Variants in NBEA observed in about 807,000 individuals in gnomAD.
NBEA encodes lysosomal-trafficking regulator 2.
Under a neutral mutation model 343.4 loss-of-function variants are expected in NBEA, and 44 were observed. The ratio of observed to expected loss-of-function variants is 0.13; its 90% CI spans 0.10 to 0.16. The LOEUF is 0.16. Ranked by LOEUF, NBEA falls within the 10% of genes least tolerant of loss-of-function variation. The pLI, the probability that NBEA is intolerant of heterozygous loss-of-function variation, is 1.00. For missense variants in NBEA, 2,555 were observed against 3,631.3 expected (o/e 0.70, Z 7.62); for synonymous variants, 1,175 against 1,238.7 (o/e 0.95, Z 1.08).
intron 38 of NBEA, among the ~76,000 whole-genome samples, chr13:35,378,626 G>A (rs2041862157): frequency 6.6e-6 from 1 of 151,816 alleles, no homozygotes; most frequent in African/African-American, 2.4e-5. Flanking sequence ...ATTTAAAAAG[G>A]CAAAGAGGCA....
chr13:35,055,913 C>A, intron 6 of NBEA, 97 bp from the exon 7 acceptor site: 2 of 942,786 alleles, frequency 2.1e-6, no homozygotes, highest in South Asian at 2.8e-5. Flanking sequence ...ATAGTCCTGT[C>A]AGCATATTCT....
chr13:35,626,369 A>AC (rs1566427994), intron 48 of NBEA, among the ~76,000 whole-genome samples: 1 of 152,210 alleles, frequency 6.6e-6, no homozygotes, highest in African/African-American at 2.4e-5. Flanking sequence ...CATCATTCCC[A>AC]CTACCACTCA....
intron 18 of NBEA, among the ~76,000 whole-genome samples, chr13:35,151,484 G>A (rs937722210): frequency 8.0e-5 from 12 of 150,552 alleles, no homozygotes; most frequent in Non-Finnish European, 1.6e-4. Context: ...TGGAGGTTGC[G>A]GTGAGCCGAG....
intron 24 of NBEA, among the ~76,000 whole-genome samples, chr13:35,166,251 A>G (rs2070018657): frequency 6.6e-6 from 1 of 152,170 alleles, no homozygotes; most frequent in Admixed American, 6.6e-5. Context: ...TCACATTACT[A>G]AATAGTTTTC....
chr13:35,355,820 T>C (rs914631676), intron 38 of NBEA, among the ~76,000 whole-genome samples: 1 of 151,624 alleles, frequency 6.6e-6, no homozygotes, highest in Non-Finnish European at 1.5e-5. Flanking sequence ...AATGATACCA[T>C]CTCAAAAAAA....
At chr13:35,049,118 T>C (rs985990151) in intron 5 of NBEA, among the ~76,000 whole-genome samples, 7 of 151,832 alleles carry the variant, frequency 4.6e-5, no homozygotes, top group Non-Finnish European at 1.0e-4. Flanking sequence ...TAAGAAATTA[T>C]AAGATAAGAT....
intron 34 of NBEA, among the ~76,000 whole-genome samples, chr13:35,284,305 T>G (rs1280887149): frequency 6.6e-6 from 1 of 152,160 alleles, no homozygotes; most frequent in African/African-American, 2.4e-5. Context: ...CAGTTTTTAG[T>G]GAACTAAAGA....
At chr13:35,378,643 AT>A (rs970891054) in intron 38 of NBEA, among the ~76,000 whole-genome samples, 28 of 151,924 alleles carry the variant, frequency 1.8e-4, no homozygotes, top group African/African-American at 6.3e-4. Flanking sequence ...GGCATGACTG[AT>A]TTTTTTCCTT....
intron 1 of NBEA, among the ~76,000 whole-genome samples, chr13:34,981,677 T>G (rs2060359380): frequency 6.6e-6 from 1 of 152,132 alleles, no homozygotes; most frequent in African/African-American, 2.4e-5. Context: ...TGTCTATGAA[T>G]GATTTTTATA....
chr13:34,960,122 A>G (rs957330511), intron 1 of NBEA, among the ~76,000 whole-genome samples: 1 of 152,090 alleles, frequency 6.6e-6, no homozygotes, highest in African/African-American at 2.4e-5. Context: ...TTTCAGTGGG[A>G]CATGATGTGG....
At chr13:35,121,694 AAAAG>A (rs2066810094) in intron 16 of NBEA, among the ~76,000 whole-genome samples, 1 of 152,176 alleles carries the variant, frequency 6.6e-6, no homozygotes, top group South Asian at 2.1e-4. Flanking sequence ...ATAAAAGAAA[AAAAG>A]AGAAAAAGAA....
At position 35,412,837 on chromosome 13, in the gene NBEA, A is replaced by G. The variant is rs138548369; in HGVS notation, c.6180-19432A>G. 3.6e-3 allele frequency among the ~76,000 whole-genome samples: 541 copies of G among 152,226 alleles called. 5 individuals are homozygous for G. The highest frequency in any genetic ancestry group is 0.012 in the African/African-American group (501 of 41,548). On this transcript the variant is annotated intron_variant, in intron 38 of 58. Transcript: ENST00000379939. ...AGCAAGGAAGTCAGACTGCCTGAGG[A>G]CACATTCTGCCACCAGCTAGTTGTA...
At chr13:35,562,937 T>C (rs1278731224) in intron 44 of NBEA, among the ~76,000 whole-genome samples, 1 of 151,992 alleles carries the variant, frequency 6.6e-6, no homozygotes, top group Non-Finnish European at 1.5e-5. Flanking sequence ...TATAAAAACA[T>C]TAAATTGGAT....
intron 33 of NBEA, among the ~76,000 whole-genome samples, chr13:35,213,830 C>T (rs2073919068): frequency 6.6e-6 from 1 of 151,946 alleles, no homozygotes; most frequent in African/African-American, 2.4e-5. Context: ...TATGCATCCA[C>T]ATAACCACCA....
chr13:35,618,490 G>T (rs1339139226), intron 48 of NBEA, among the ~76,000 whole-genome samples: 1 of 151,782 alleles, frequency 6.6e-6, no homozygotes, highest in African/African-American at 2.4e-5. Context: ...TAATTGGTTA[G>T]AATTGTTTGT....
intron 16 of NBEA, among the ~76,000 whole-genome samples, chr13:35,123,127 A>G (rs1287506645): frequency 6.6e-6 from 1 of 152,154 alleles, no homozygotes. Context: ...CCTCACCTCT[A>G]TATTAAAATT....
intron 38 of NBEA, among the ~76,000 whole-genome samples, chr13:35,407,852 A>G (rs529905884): frequency 6.6e-6 from 1 of 152,200 alleles, no homozygotes; most frequent in Non-Finnish European, 1.5e-5. Flanking sequence ...CTGCTCAAAG[A>G]AATGAGAAAT....
At chr13:35,665,223 GA>G in intron 56 of NBEA, 37 bp downstream of exon 56, 1 of 1,483,650 alleles carries the variant, frequency 6.7e-7, no homozygotes, top group Non-Finnish European at 9.2e-7. Flanking sequence ...ATGTCTAGAA[GA>G]TGACTGTTTT....
intron 38 of NBEA, among the ~76,000 whole-genome samples, chr13:35,418,563 C>CAAA (rs1452261642): frequency 6.6e-6 from 1 of 151,630 alleles, no homozygotes. Context: ...AATAGATGCT[C>CAAA]AGTAAATATA....
Sources: gnomAD v4.1 joint callset for allele counts (sites outside exome capture counted in the v4.1 genomes callset) on GRCh38, gnomAD v4.1.1 for gene constraint, MANE v1.5 for transcripts, NCBI Gene and HGNC (gene_info 2026-07-23, HGNC 2026-07-21) for gene names.